SCARF2: variants seen among roughly 807,000 people sequenced by gnomAD.
The protein encoded by SCARF2 is scavenger receptor expressed by endothelial cells 2 protein.
A neutral mutation model predicts 73.4 loss-of-function variants in SCARF2; 39 were observed. That is an observed-to-expected ratio of 0.53 (90% CI 0.41 to 0.69). The LOEUF (loss-of-function observed/expected upper bound fraction) is 0.69, where lower values mean the gene tolerates loss of function less well. SCARF2 is among the 30% of genes least tolerant of loss of function. The pLI, the probability that SCARF2 is intolerant of heterozygous loss-of-function variation, is 0.00. For missense variants in SCARF2, 1,148 were observed against 1,303.5 expected (o/e 0.88, Z 1.84); for synonymous variants, 605 against 590.0 (o/e 1.03, Z -0.37).
Position 20,424,969 on chromosome 22 carries a change from G to A in SCARF2, c.*406C>T, listed in dbSNP as rs545684953. The stretch of plus-strand genomic sequence containing the variant: ...CCAGCCAGAGGCACCAGGCCCTAGC[G>A]GGGGAGAGGCAGCCCGGGCAGAAGT... On this transcript the variant is annotated 3_prime_UTR_variant, in exon 11 of 11. Coordinates refer to ENST00000622235, the MANE Select transcript of SCARF2 (RefSeq NM_182895.5). 4.1e-4 allele frequency: 70 copies of A among 171,288 alleles called. 2 individuals carry two copies. The Middle Eastern group carries it at 7.7e-3, about 19-fold the overall frequency. The allele number at this position is 171,288 out of a possible 1,614,324, so 10.6% of individuals were successfully genotyped here.
Position 20,429,612 on chromosome 22 carries a change from G to GCAGCGCGCCCGCGCC in SCARF2, c.1333_1347dup (p.Gly445_Leu449dup). 1 of 1,613,674 alleles carries GCAGCGCGCCCGCGCC rather than the reference G, an allele frequency of 6.2e-7. No homozygotes were observed. Among genetic ancestry groups the GCAGCGCGCCCGCGCC allele is most frequent in the Non-Finnish European group, 8.5e-7 (1 of 1,179,916 alleles). On this transcript the variant is annotated inframe_insertion, in exon 8 of 11. Transcript: ENST00000622235. This position sits in a 1 kb window ranked among gnomAD's most constrained non-coding sequence, Gnocchi z 5.2. The stretch of plus-strand genomic sequence containing the variant: ...AGCAGCAGGCAGACGAGCAGGACGA[G>GCAGCGCGCCCGCGCC]CAGCGCGCCCGCGCCCATCACGCCC...
chr22:20,429,645 G>C lies in SCARF2; in HGVS notation c.1315C>G (p.Gln439Glu), dbSNP rs141696392. Residue 439 changes from glutamine (Q) to glutamate (E), a missense_variant, in exon 8 of 11, where the codon CAG (glutamine) becomes GAG (glutamate). Transcript: ENST00000622235. This position sits in a 1 kb window ranked among gnomAD's most constrained non-coding sequence, Gnocchi z 5.2. The stretch of plus-strand genomic sequence containing the variant: ...CCCGCGCCCATCACGCCCTTGCGCT[G>C]GTTGGTTTCTGTAGGGGGTTATGGG... ...VTGACHLETN[Q>E]RKGVMGAGAL... The C allele has an allele frequency of 4.4e-5, 71 of 1,613,846 alleles. No individual in the cohort carries two copies. The highest frequency in any genetic ancestry group is 5.8e-5 in the Non-Finnish European group (69 of 1,179,956).
intron 1 of SCARF2, among the ~76,000 whole-genome samples, chr22:20,433,469 A>T (rs1195959252): frequency 1.3e-5 from 2 of 152,174 alleles, no homozygotes; most frequent in Non-Finnish European, 1.5e-5. Flanking sequence ...GCCCTACACC[A>T]TGCATTTCAG....
rs749984652 is a variant in SCARF2, at chr22:20,430,431, G to T, written c.1200C>A (p.Pro400=). 2 of 1,589,168 alleles carry T rather than the reference G, an allele frequency of 1.3e-6. No individual in the cohort carries two copies. The highest frequency in any genetic ancestry group is 1.7e-6 in the Non-Finnish European group (2 of 1,168,304). The change falls in exon 6 of 11, where the codon CCC becomes CCA. Residue 400 remains proline (P), a splice_region_variant and synonymous_variant. Transcript: ENST00000622235. ...RCLCSPGVHG[P]HCNVTCPPGL... ...CCTCCCGGTCCCGGGGCACTCACTG[G>T]GGCCCGTGGACGCCAGGGCTGCACA... is the stretch of plus-strand genomic sequence containing the variant.
At position 20,429,761 on chromosome 22, in the gene SCARF2, C is replaced by A. The variant is rs757785046; in HGVS notation, c.1275G>T (p.Thr425=). The A allele has an allele frequency of 5.6e-6, 9 of 1,613,678 alleles. No homozygotes were observed. The highest frequency in any genetic ancestry group is 7.6e-6 in the Non-Finnish European group (9 of 1,179,942). ...CAQACSCHED[T]CDPVTGACHL... ...GGCAGGCACCAGTGACCGGGTCGCACGTGTCCTCGTGGCAGCTGCAGGCCT... is the reference window on the plus strand; with the variant it reads ...GGCAGGCACCAGTGACCGGGTCGCAAGTGTCCTCGTGGCAGCTGCAGGCCT... Residue 425 remains threonine (T), a synonymous_variant, in exon 7 of 11, where the codon ACG becomes ACT. Coordinates refer to ENST00000622235, the MANE Select transcript of SCARF2 (RefSeq NM_182895.5). The surrounding 1 kb of genome is among the most constrained non-coding windows in gnomAD (Gnocchi z 5.2).
chr22:20,437,674 C>G lies in SCARF2; in HGVS notation c.81G>C (p.Ser27=). ...AGGPPSPLLP[S]LLLLLLLWML... ...TCCAGAGCAGCAGCAGCAGCAGCAG[C>G]GACGGCAGCAGCGGTGACGGCGGCC... Residue 27 remains serine (S), a synonymous_variant, in exon 1 of 11, where the codon TCG becomes TCC. Coordinates refer to ENST00000622235, the MANE Select transcript of SCARF2 (RefSeq NM_182895.5). 6.6e-7 allele frequency: 1 copy of G among 1,510,062 alleles called. No homozygotes were observed. The highest frequency in any genetic ancestry group is 8.8e-7 in the Non-Finnish European group (1 of 1,135,760). 93.5% of individuals were successfully genotyped at this position (1,510,062 alleles called of 1,614,324 possible). A position where few individuals can be genotyped will look rare whatever the true frequency, so the allele number is the denominator to read the frequency against.
Position 20,430,479 on chromosome 22 carries a change from G to T in SCARF2, c.1152C>A (p.Cys384Ter), listed in dbSNP as rs1190511309. ...FVCADCGSGH[C>*]DFQSGRCLCS... ...ACAGGCAGCGCCCCGACTGGAAGTC[G>T]CAGTGTCCGCTGCCGCAGTCGGCGC... The change falls in exon 6 of 11, where the codon TGC becomes TGA. Residue 384 changes from cysteine to a stop codon, truncating the protein, a stop_gained. Transcript: ENST00000622235. LOFTEE classifies it high-confidence loss of function. The T allele has an allele frequency of 1.9e-6, 3 of 1,596,522 alleles. No individual in the cohort carries two copies. Among genetic ancestry groups the T allele is most frequent in the Non-Finnish European group, 2.6e-6 (3 of 1,172,534 alleles).
At position 20,429,803 on chromosome 22, in the gene SCARF2, G is replaced by A. The variant is rs1026866059; in HGVS notation, c.1233C>T (p.His411=). 4 of 1,613,124 alleles carry A rather than the reference G, an allele frequency of 2.5e-6. No homozygotes were observed. Among genetic ancestry groups the A allele is most frequent in the African/African-American group, 2.7e-5 (2 of 74,904 alleles). ...HCNVTCPPGL[H]GADCAQACSC... Reference sequence around the variant, plus strand: ...TGCAGGCCTGAGCACAGTCCGCGCCGTGGAGTCCGGGCGGGCACGTCACGT... The same window carrying A: ...TGCAGGCCTGAGCACAGTCCGCGCCATGGAGTCCGGGCGGGCACGTCACGT... The change falls in exon 7 of 11, where the codon CAC becomes CAT. Residue 411 remains histidine (H), a synonymous_variant. Coordinates refer to ENST00000622235, the MANE Select transcript of SCARF2 (RefSeq NM_182895.5). This position sits in a 1 kb window ranked among gnomAD's most constrained non-coding sequence, Gnocchi z 5.2.
In SCARF2 at chr22:20,427,452, A is replaced by G. The variant is rs1170018299; in HGVS notation, c.1639T>C (p.Phe547Leu). 1.9e-6 allele frequency: 3 copies of G among 1,614,104 alleles called. No homozygotes were observed. The highest frequency in any genetic ancestry group is 2.5e-6 in the Non-Finnish European group (3 of 1,180,048). ...PSPSWSSRAS[F>L]SSFDTTDEGP... is the part of the protein sequence containing the mutation. ...TCATCAGTGGTGTCAAACGAGGAGA[A>G]GGAGGCCCGAGAGGACCAGGATGGT... Residue 547 changes from phenylalanine (F) to leucine (L), a missense_variant, in exon 10 of 11, where the codon TTC (phenylalanine) becomes CTC (leucine). Physicochemically the swap from Phe to Leu is conservative, Grantham distance 22. Transcript: ENST00000622235.
chr22:20,431,502 C>T lies in SCARF2; in HGVS notation c.370G>A (p.Glu124Lys). 1 of 1,577,916 alleles carries T rather than the reference C, an allele frequency of 6.3e-7. No individual in the cohort carries two copies. The highest frequency in any genetic ancestry group is 8.5e-7 in the Non-Finnish European group (1 of 1,170,480). Residue 124 changes from glutamate to lysine, a missense_variant, in exon 4 of 11, where the codon GAG becomes AAG. By Grantham distance (56) the Glu-to-Lys change is moderately conservative. Transcript: ENST00000622235. The stretch of plus-strand genomic sequence containing the variant: ...CCGTGTGGGTGGCAGCTACACAGCT[C>T]CTTGCAGTCGGGGCCCCAGAACTGG... ...PRQFWGPDCK[E>K]LCSCHPHGQC... is the part of the protein sequence containing the mutation.
At chr22:20,426,929 A>T in intron 10 of SCARF2, among the ~76,000 whole-genome samples, 1 of 143,584 alleles carries the variant, frequency 7.0e-6, no homozygotes, top group South Asian at 2.3e-4. Flanking sequence ...TCCGTCTCAA[A>T]AAAAAAAAAA....
chr22:20,436,657 G>A (rs1041526572), intron 1 of SCARF2, among the ~76,000 whole-genome samples: 1 of 152,108 alleles, frequency 6.6e-6, no homozygotes, highest in African/African-American at 2.4e-5. Flanking sequence ...GGAGCCCGGC[G>A]GCCGCCTCTG....
intron 1 of SCARF2, among the ~76,000 whole-genome samples, chr22:20,433,127 GGT>G (rs1428284688): frequency 6.6e-6 from 1 of 152,186 alleles, no homozygotes; most frequent in Non-Finnish European, 1.5e-5. Flanking sequence ...GGGTGGATGG[GGT>G]GTGTGAGCAC....
At chr22:20,434,627 T>C (rs1449500333) in intron 1 of SCARF2, among the ~76,000 whole-genome samples, 1 of 152,174 alleles carries the variant, frequency 6.6e-6, no homozygotes, top group Non-Finnish European at 1.5e-5. Context: ...TGGGGAAAGA[T>C]GGCCTGCTGC....
In SCARF2 at chr22:20,429,159, C is replaced by A; in HGVS notation, c.1540+66G>T. ...CACTGAGATCTGGACCCCCTCACAC[C>A]CATTTCCCAGCAGCTTCCTGCGTCG... On this transcript the variant is annotated intron_variant, in intron 9 of 10. Coordinates refer to ENST00000622235, the MANE Select transcript of SCARF2 (RefSeq NM_182895.5). The surrounding 1 kb of genome is among the most constrained non-coding windows in gnomAD (Gnocchi z 5.2). The A allele has an allele frequency of 6.2e-7, 1 of 1,604,632 alleles. No individual in the cohort carries two copies. Among genetic ancestry groups the A allele is most frequent in the Non-Finnish European group, 8.5e-7 (1 of 1,172,086 alleles).
In SCARF2 at chr22:20,429,898, C is replaced by T. The variant is rs902101937; in HGVS notation, c.1203-65G>A. 147 of 1,510,692 alleles carry T rather than the reference C, an allele frequency of 9.7e-5. No homozygotes were observed. The Admixed American group carries it at 2.7e-3, about 28-fold the overall frequency. The allele number at this position is 1,510,692 out of a possible 1,614,324, so 93.6% of individuals were successfully genotyped here. On this transcript the variant is annotated intron_variant, in intron 6 of 10. Coordinates refer to ENST00000622235, the MANE Select transcript of SCARF2 (RefSeq NM_182895.5). The surrounding 1 kb of genome is among the most constrained non-coding windows in gnomAD (Gnocchi z 5.2). ...CCTAGGATGCCCCCTACCCTCACCC[C>T]TCACCCGCGGCCAGGGCCCAGGGTC...
In SCARF2 at chr22:20,437,653, GAGCAGCAGC is replaced by G; in HGVS notation, c.93_101del (p.Leu32_Leu34del). On this transcript the variant is annotated inframe_deletion, in exon 1 of 11. Coordinates refer to ENST00000622235, the MANE Select transcript of SCARF2 (RefSeq NM_182895.5). ...GCGCCACGGTGTCCGGCAGCATCCA[GAGCAGCAGC>G]AGCAGCAGCAGCGACGGCAGCAGCG... 7 of 1,536,896 alleles carry G rather than the reference GAGCAGCAGC, an allele frequency of 4.6e-6. No individual in the cohort carries two copies. The highest frequency in any genetic ancestry group is 1.4e-5 in the African/African-American group (1 of 71,312).
Position 20,429,816 on chromosome 22 carries a change from G to A in SCARF2, c.1220C>T (p.Pro407Leu). 1 of 1,612,926 alleles carries A rather than the reference G, an allele frequency of 6.2e-7. No homozygotes were observed. Among genetic ancestry groups the A allele is most frequent in the Non-Finnish European group, 8.5e-7 (1 of 1,179,772 alleles). The change falls in exon 7 of 11, where the codon CCG (proline) becomes CTG (leucine). Residue 407 changes from proline to leucine, a missense_variant. Around this residue, in one of 5 missense-constraint regions of SCARF2, gnomAD observed 372 missense variants for 532.0 expected, o/e 0.70. Transcript: ENST00000622235. The surrounding 1 kb of genome is among the most constrained non-coding windows in gnomAD (Gnocchi z 5.2). ...ACAGTCCGCGCCGTGGAGTCCGGGC[G>A]GGCACGTCACGTTACAGCTGCCGGG... ...VHGPHCNVTC[P>L]PGLHGADCAQ... is the part of the protein sequence containing the mutation.
At position 20,437,772 on chromosome 22, in the gene SCARF2, C is replaced by A; in HGVS notation, c.-18G>T. 1 of 973,550 alleles carries A rather than the reference C, an allele frequency of 1.0e-6. No homozygotes were observed. Among genetic ancestry groups the A allele is most frequent in the South Asian group, 4.6e-5 (1 of 21,860 alleles). 60.3% of individuals were successfully genotyped at this position (973,550 alleles called of 1,614,324 possible). Reference sequence around the variant, plus strand: ...CCCTCCATGAGGCGCGGGGCAGGCGCGGGGCGGGCACGGGCGCGGGTGCGG... The same window carrying A: ...CCCTCCATGAGGCGCGGGGCAGGCGAGGGGCGGGCACGGGCGCGGGTGCGG... On this transcript the variant is annotated 5_prime_UTR_variant, in exon 1 of 11. Coordinates refer to ENST00000622235, the MANE Select transcript of SCARF2 (RefSeq NM_182895.5).
Sources: gnomAD v4.1 joint callset for allele counts (sites outside exome capture counted in the v4.1 genomes callset) on GRCh38, gnomAD v4.1.1 for gene constraint, gnomAD v4.1.1 regional missense constraint, Gnocchi (gnomAD v3.1) non-coding constraint, MANE v1.5 for transcripts, NCBI Gene and HGNC (gene_info 2026-07-23, HGNC 2026-07-21) for gene names.